Variants in DLGAP2 observed in about 807,000 individuals in gnomAD.
DLGAP2 encodes the protein DLG associated protein 2, also known as disks large-associated protein 2.
A neutral mutation model predicts 100.3 loss-of-function variants in DLGAP2; 26 were observed. The ratio of observed to expected loss-of-function variants is 0.26; its 90% CI spans 0.19 to 0.36. DLGAP2 has a LOEUF of 0.36. DLGAP2 is among the 10% of genes least tolerant of loss of function. DLGAP2 has a pLI of 1.00. For missense variants in DLGAP2, 1,858 were observed against 1,453.2 expected, an observed-to-expected ratio of 1.28 and a Z score of -4.53; for synonymous variants, 886 against 630.1, an observed-to-expected ratio of 1.41 and a Z score of -6.08.
At chr8:799,285 A>G (rs1444805061) in intron 1 of DLGAP2, among the ~76,000 whole-genome samples, 1 of 152,010 alleles carries the variant, frequency 6.6e-6, no homozygotes, top group East Asian at 1.9e-4. Flanking sequence ...AGGCACTTAC[A>G]GTTTCACTGG....
chr8:1,193,871 G>A (rs543244250), intron 2 of DLGAP2, among the ~76,000 whole-genome samples: 3 of 152,200 alleles, frequency 2.0e-5, no homozygotes, highest in South Asian at 4.2e-4. Flanking sequence ...TAGAGCCTCC[G>A]CACCGCGCCG....
intron 2 of DLGAP2, among the ~76,000 whole-genome samples, chr8:1,235,236 G>A (rs990986165): frequency 8.5e-6 from 1 of 117,888 alleles, no homozygotes; most frequent in Non-Finnish European, 1.7e-5. Context: ...GGCATGTCTA[G>A]TTCTCTCACA....
At chr8:782,237 T>A (rs1344566580) in intron 1 of DLGAP2, among the ~76,000 whole-genome samples, 5 of 149,154 alleles carry the variant, frequency 3.4e-5, no homozygotes, top group Admixed American at 2.0e-4. Context: ...TAAAAAAAAT[T>A]AAAAAAAAAA....
At chr8:1,551,993 C>T (rs923353219) in intron 5 of DLGAP2, among the ~76,000 whole-genome samples, 4 of 152,108 alleles carry the variant, frequency 2.6e-5, no homozygotes, top group African/African-American at 9.7e-5. Context: ...CTCTCTTCCT[C>T]CCCCTAGATT....
intron 4 of DLGAP2, among the ~76,000 whole-genome samples, chr8:1,529,721 G>A (rs759537768): frequency 6.6e-6 from 1 of 152,202 alleles, no homozygotes; most frequent in Non-Finnish European, 1.5e-5. Flanking sequence ...ACACTTATCA[G>A]GGAACCTGCC....
chr8:798,205 G>A (rs1796073543), intron 1 of DLGAP2, among the ~76,000 whole-genome samples: 1 of 152,186 alleles, frequency 6.6e-6, no homozygotes, highest in African/African-American at 2.4e-5. Flanking sequence ...CCTGTGCCCT[G>A]GCACTGGCCA....
intron 1 of DLGAP2, among the ~76,000 whole-genome samples, chr8:868,835 G>A (rs1337859425): frequency 6.6e-6 from 1 of 152,214 alleles, no homozygotes; most frequent in African/African-American, 2.4e-5. Context: ...ACTGCAGGCT[G>A]GACGCGTCAG....
At chr8:1,448,252 C>T (rs893900922) in intron 3 of DLGAP2, among the ~76,000 whole-genome samples, 3 of 151,986 alleles carry the variant, frequency 2.0e-5, no homozygotes, top group Admixed American at 6.5e-5. Flanking sequence ...CTACACACTG[C>T]TTTGAATGTG....
chr8:1,143,571 C>G (rs923149851), intron 2 of DLGAP2, among the ~76,000 whole-genome samples: 5 of 152,222 alleles, frequency 3.3e-5, no homozygotes, highest in Non-Finnish European at 7.3e-5. Context: ...GCTCAGGACT[C>G]AGCCCCGGGC....
chr8:955,302 T>A (rs773077128), intron 2 of DLGAP2, among the ~76,000 whole-genome samples: 2 of 152,160 alleles, frequency 1.3e-5, no homozygotes, highest in Non-Finnish European at 2.9e-5. Context: ...GCCTTTCTTT[T>A]CATAGTATCC....
intron 3 of DLGAP2, among the ~76,000 whole-genome samples, chr8:1,267,628 A>AAAACAAAATAAAC (rs1799492288): frequency 4.8e-5 from 1 of 20,898 alleles, no homozygotes; most frequent in Admixed American, 3.5e-4. Context: ...TAAGATAAAT[A>AAAACAAAATAAAC]TTAAATAGGT....
rs564950546 is a variant in DLGAP2, at chr8:908,304, C to G, written c.73+338C>G. On this transcript the variant is annotated intron_variant, in intron 2 of 14. Transcript: ENST00000637795. ...TTATTTTGCTAATTATACTTATTTA[C>G]TAAAGAAAATCACCATTCTTATTGG... 1.1e-4 allele frequency among the ~76,000 whole-genome samples: 16 copies of G among 152,266 alleles called. No individual in the cohort carries two copies. The South Asian group carries it at 3.3e-3, about 32-fold the overall frequency.
intron 6 of DLGAP2, among the ~76,000 whole-genome samples, chr8:1,571,378 G>GTGAAA (rs1267825093): frequency 7.0e-6 from 1 of 143,716 alleles, no homozygotes; most frequent in African/African-American, 2.6e-5. Flanking sequence ...AGGAGAGAGG[G>GTGAAA]GTGAACTGTG....
intron 1 of DLGAP2, among the ~76,000 whole-genome samples, chr8:855,326 C>T (rs191403388): frequency 1.9e-3 from 287 of 152,102 alleles, no homozygotes; most frequent in African/African-American, 6.6e-3. Context: ...GTGCTCCCAG[C>T]GGGTGTGTAC....
At chr8:1,368,967 C>G (rs924696536) in intron 3 of DLGAP2, 2 of 152,228 alleles carry the variant, frequency 1.3e-5, no homozygotes, top group African/African-American at 4.8e-5. Flanking sequence ...GTCCTCCGCA[C>G]ATACTAGGTG....
chr8:1,302,388 G>T (rs1800373620), intron 3 of DLGAP2: 1 of 99,748 alleles, frequency 1.0e-5, no homozygotes. Context: ...TCCATACCTG[G>T]GACCGGACTC....
intron 2 of DLGAP2, among the ~76,000 whole-genome samples, chr8:1,131,611 C>G (rs1287210370): frequency 6.6e-6 from 1 of 152,058 alleles, no homozygotes; most frequent in Non-Finnish European, 1.5e-5. Flanking sequence ...ACACGAACAC[C>G]TGCTCCATAC....
intron 2 of DLGAP2, among the ~76,000 whole-genome samples, chr8:1,237,407 C>T (rs1279164687): frequency 1.7e-5 from 2 of 114,942 alleles, no homozygotes; most frequent in East Asian, 5.4e-4. Flanking sequence ...GTCTAGTTAC[C>T]TATCACATGG....
At chr8:1,193,005 T>C (rs181737590) in intron 2 of DLGAP2, among the ~76,000 whole-genome samples, 6 of 152,254 alleles carry the variant, frequency 3.9e-5, no homozygotes, top group East Asian at 1.9e-4. Context: ...CATGAACTTA[T>C]CAATTTTTAT....
Sources: allele counts gnomAD v4.1 joint callset (sites outside exome capture counted in the v4.1 genomes callset), GRCh38; gene constraint gnomAD v4.1.1; transcripts MANE v1.5; gene names NCBI Gene and HGNC (gene_info 2026-07-23, HGNC 2026-07-21).